CNTNAP2: variants seen among roughly 807,000 people sequenced by gnomAD.
The protein encoded by CNTNAP2 is contactin-associated protein-like 2.
Under a neutral mutation model 155.2 loss-of-function variants are expected in CNTNAP2, and 98 were observed. The observed-to-expected ratio is 0.63, with a 90% CI of 0.54 to 0.75. The LOEUF is 0.75. Among genes scored for constraint, CNTNAP2 ranks in the 30% least tolerant of loss-of-function variants. The pLI is 0.00. For missense variants in CNTNAP2, 1,727 were observed against 1,688.1 expected (o/e 1.02, Z -0.40); for synonymous variants, 651 against 631.2 (o/e 1.03, Z -0.47).
At chr7:146,404,918 G>A (rs538883807) in intron 1 of CNTNAP2, among the ~76,000 whole-genome samples, 2 of 152,106 alleles carry the variant, frequency 1.3e-5, no homozygotes, top group African/African-American at 4.8e-5. Context: ...CTACTGTAGC[G>A]TTCAGGATGC....
chr7:147,296,326 A>T (rs547544704), intron 8 of CNTNAP2, among the ~76,000 whole-genome samples: 1 of 152,354 alleles, frequency 6.6e-6, no homozygotes, highest in African/African-American at 2.4e-5. Context: ...TATGGTGAAG[A>T]TAGGGTCTTC....
In CNTNAP2 at chr7:148,172,456, T is replaced by C; in HGVS notation, c.2988T>C (p.Tyr996=). 6.2e-7 allele frequency: 1 copy of C among 1,614,234 alleles called. No homozygotes were observed. The highest frequency in any genetic ancestry group is 8.5e-7 in the Non-Finnish European group (1 of 1,180,034). The change falls in exon 18 of 24, where the codon TAT becomes TAC. Residue 996 remains tyrosine (Y), a synonymous_variant. Transcript: ENST00000361727. ...CCTGCGATTGCTCTAATACTGCATA[T>C]GATGGAACATTTTGCAACAAAGGTA... ...GYSCDCSNTA[Y]DGTFCNKDVG...
intron 1 of CNTNAP2, among the ~76,000 whole-genome samples, chr7:146,378,348 C>A: frequency 6.6e-6 from 1 of 152,192 alleles, no homozygotes; most frequent in Middle Eastern, 3.4e-3. Context: ...AATGTGCCAG[C>A]AAAGTTAAGA....
intron 1 of CNTNAP2, among the ~76,000 whole-genome samples, chr7:146,305,490 T>G (rs1253915400): frequency 3.9e-5 from 6 of 152,128 alleles, no homozygotes; most frequent in Non-Finnish European, 8.8e-5. Context: ...TTAGCTTTCC[T>G]TCTAACATTC....
At chr7:147,750,799 G>C (rs1218035423) in intron 13 of CNTNAP2, among the ~76,000 whole-genome samples, 1 of 152,146 alleles carries the variant, frequency 6.6e-6, no homozygotes, top group African/African-American at 2.4e-5. Flanking sequence ...GGCAGTTTGG[G>C]AGGCCAAGGC....
intron 8 of CNTNAP2, among the ~76,000 whole-genome samples, chr7:147,267,563 T>A (rs940007230): frequency 6.6e-6 from 1 of 152,152 alleles, no homozygotes; most frequent in African/African-American, 2.4e-5. Context: ...AACACATTTT[T>A]TTTTTTCTGA....
At chr7:147,640,972 C>T (rs1795264936) in intron 13 of CNTNAP2, among the ~76,000 whole-genome samples, 1 of 152,088 alleles carries the variant, frequency 6.6e-6, no homozygotes, top group African/African-American at 2.4e-5. Context: ...AAAGGCAGGG[C>T]GCCATGATGC....
At chr7:147,571,251 C>A (rs56995516) in intron 12 of CNTNAP2, among the ~76,000 whole-genome samples, 4 of 140,842 alleles carry the variant, frequency 2.8e-5, no homozygotes, top group South Asian at 2.4e-4. Context: ...GGTATATCTC[C>A]TAATGCTATC....
At chr7:148,069,933 A>G (rs111396681) in intron 15 of CNTNAP2, among the ~76,000 whole-genome samples, 1,746 of 152,302 alleles carry the variant, frequency 0.011, 34 homozygotes, top group African/African-American at 0.04. Flanking sequence ...GCCAGTCACT[A>G]TTCTAAGCAT....
At chr7:147,484,306 T>G (rs1010591226) in intron 10 of CNTNAP2, among the ~76,000 whole-genome samples, 20 of 152,328 alleles carry the variant, frequency 1.3e-4, no homozygotes, top group Admixed American at 3.3e-4. Context: ...CCCAATGTTC[T>G]TCCTCTCATT....
At chr7:147,351,411 T>C (rs1218007800) in intron 9 of CNTNAP2, among the ~76,000 whole-genome samples, 1 of 150,732 alleles carries the variant, frequency 6.6e-6, no homozygotes, top group African/African-American at 2.4e-5. Context: ...AGAAGGGGAG[T>C]AGGAAGGAAT....
intron 15 of CNTNAP2, among the ~76,000 whole-genome samples, chr7:147,990,057 A>G (rs201785533): frequency 2.4e-4 from 15 of 61,918 alleles, no homozygotes; most frequent in Non-Finnish European, 3.8e-4. Flanking sequence ...CTGACTACAA[A>G]TTTGGGGTTG....
rs148595591 is a variant in CNTNAP2 at position 148,165,412 on chromosome 7, C to T, written c.2774-6830C>T. Reference sequence around the variant, plus strand: ...TCAACAGACAAATTTTGAGGGGACACAGTTCAGTCCATAGCACTCCTGATA... The same window carrying T: ...TCAACAGACAAATTTTGAGGGGACATAGTTCAGTCCATAGCACTCCTGATA... On this transcript the variant is annotated intron_variant, in intron 17 of 23. Transcript: ENST00000361727. Among the ~76,000 whole-genome samples the T allele has an allele frequency of 2.5e-3, 376 of 152,224 alleles. 2 individuals are homozygous for T. The highest frequency in any genetic ancestry group is 8.4e-3 in the African/African-American group (350 of 41,528).
intron 1 of CNTNAP2, among the ~76,000 whole-genome samples, chr7:146,240,720 G>T (rs1251587236): frequency 6.6e-6 from 1 of 152,136 alleles, no homozygotes; most frequent in Non-Finnish European, 1.5e-5. Context: ...TCTACATAAA[G>T]TGGTTCATCT....
intron 1 of CNTNAP2, among the ~76,000 whole-genome samples, chr7:146,128,048 T>G (rs749644843): frequency 2.6e-5 from 4 of 152,182 alleles, no homozygotes; most frequent in Non-Finnish European, 5.9e-5. Context: ...ATTTCAAAGT[T>G]GGCCAGTCTA....
At chr7:146,743,831 C>T (rs1184805453) in intron 1 of CNTNAP2, among the ~76,000 whole-genome samples, 3 of 152,104 alleles carry the variant, frequency 2.0e-5, no homozygotes, top group Non-Finnish European at 2.9e-5. Context: ...TCCATATTCA[C>T]TTGTGGTAGT....
intron 13 of CNTNAP2, among the ~76,000 whole-genome samples, chr7:147,804,274 A>G (rs950500585): frequency 6.6e-6 from 1 of 152,202 alleles, no homozygotes; most frequent in African/African-American, 2.4e-5. Flanking sequence ...CAAGCTGTTC[A>G]TGGTTTAAAA....
rs534002854 is a variant in CNTNAP2 at position 148,183,264 on chromosome 7, C to T, written c.3010+10786C>T. On this transcript the variant is annotated intron_variant, in intron 18 of 23. Coordinates refer to ENST00000361727, the MANE Select transcript of CNTNAP2 (RefSeq NM_014141.6). ...CTGAAGGTTCTACTGGGAGGGCTGCCTGATTCAAAGTCTTGTCCAAGGACA... is the reference window on the plus strand; with the variant it reads ...CTGAAGGTTCTACTGGGAGGGCTGCTTGATTCAAAGTCTTGTCCAAGGACA... 1.6e-4 allele frequency among the ~76,000 whole-genome samples: 24 copies of T among 152,294 alleles called. 3 individuals carry two copies. The South Asian group carries it at 5.0e-3, about 32-fold the overall frequency.
intron 8 of CNTNAP2, among the ~76,000 whole-genome samples, chr7:147,149,732 CATAG>C (rs1801787384): frequency 1.3e-5 from 2 of 151,904 alleles, no homozygotes; most frequent in African/African-American, 4.8e-5. Context: ...TAGATAGATA[CATAG>C]ATAGAACAGA....
Sources: gnomAD v4.1 joint callset for allele counts (sites outside exome capture counted in the v4.1 genomes callset) on GRCh38, gnomAD v4.1.1 for gene constraint, MANE v1.5 for transcripts, NCBI Gene and HGNC (gene_info 2026-07-23, HGNC 2026-07-21) for gene names.